The following SOX5 variants were observed in gnomAD, a reference collection of about 807,000 sequenced individuals.
SOX5 encodes the protein SRY-box transcription factor 5.
A neutral mutation model predicts 92.0 loss-of-function variants in SOX5; 9 were observed. The observed-to-expected ratio is 0.10, with a 90% CI of 0.06 to 0.17. The LOEUF (loss-of-function observed/expected upper bound fraction) is 0.17, where lower values mean the gene tolerates loss of function less well. Ranked by LOEUF, SOX5 falls within the 10% of genes least tolerant of loss-of-function variation. SOX5 has a pLI of 1.00. For missense variants in SOX5, 642 were observed against 944.5 expected, an observed-to-expected ratio of 0.68 and a Z score of 4.20; for synonymous variants, 344 against 336.3, an observed-to-expected ratio of 1.02 and a Z score of -0.25.
chr12:24,064,972 C>T (rs905093538), intron 4 of SOX5, among the ~76,000 whole-genome samples: 11 of 152,058 alleles, frequency 7.2e-5, no homozygotes, highest in Non-Finnish European at 1.3e-4. Context: ...ATTTTTAAAC[C>T]GAGGTTGAAA....
chr12:23,930,571 C>T (rs1451287836), intron 1 of SOX5, among the ~76,000 whole-genome samples: 2 of 151,664 alleles, frequency 1.3e-5, no homozygotes, highest in Non-Finnish European at 3.0e-5. Context: ...GCTGAATCCT[C>T]TGATAATATA....
intron 4 of SOX5, among the ~76,000 whole-genome samples, chr12:23,987,914 T>G (rs1046133543): frequency 2.0e-5 from 3 of 152,180 alleles, no homozygotes; most frequent in African/African-American, 7.2e-5. Context: ...ACATCATAGC[T>G]GCTAAGTGGA....
chr12:23,785,973 G>A (rs984230062), intron 3 of SOX5, among the ~76,000 whole-genome samples: 1 of 151,942 alleles, frequency 6.6e-6, no homozygotes, highest in Non-Finnish European at 1.5e-5. Flanking sequence ...TTACAAACAG[G>A]AAAGTAGAAC....
At chr12:23,689,461 G>A (rs994062298) in intron 6 of SOX5, among the ~76,000 whole-genome samples, 7 of 152,058 alleles carry the variant, frequency 4.6e-5, no homozygotes, top group Admixed American at 4.6e-4. Context: ...TATGTGCACT[G>A]CCATATACTA....
At chr12:23,582,278 TAG>T in intron 9 of SOX5, 1 of 985,146 alleles carries the variant, frequency 1.0e-6, no homozygotes, top group Non-Finnish European at 1.2e-6. Flanking sequence ...TACAGCTCCA[TAG>T]AGGTTTACTA....
At chr12:23,845,685 G>C (rs2096567453) in intron 3 of SOX5, among the ~76,000 whole-genome samples, 1 of 152,078 alleles carries the variant, frequency 6.6e-6, no homozygotes, top group African/African-American at 2.4e-5. Flanking sequence ...GCAGATATTT[G>C]ACAAGCAGGT....
chr12:23,891,758 A>G (rs2097131999), intron 2 of SOX5, among the ~76,000 whole-genome samples: 1 of 152,232 alleles, frequency 6.6e-6, no homozygotes, highest in South Asian at 2.1e-4. Flanking sequence ...GGTAGCCAGA[A>G]TAAAAAGAGA....
At chr12:24,455,232 T>C (rs1243655592) in intron 1 of SOX5, among the ~76,000 whole-genome samples, 1 of 152,180 alleles carries the variant, frequency 6.6e-6, no homozygotes, top group Admixed American at 6.5e-5. Context: ...ATCAGCTAAT[T>C]AAAAATGGGT....
intron 4 of SOX5, among the ~76,000 whole-genome samples, chr12:24,116,973 CA>C (rs3031105): frequency 0.16 from 19,668 of 126,716 alleles, 1,381 homozygotes; most frequent in African/African-American, 0.21. Flanking sequence ...TCTAAAAATG[CA>C]AAAAAAAAAA....
At chr12:23,937,369 G>A (rs1334951230) in intron 1 of SOX5, among the ~76,000 whole-genome samples, 1 of 150,748 alleles carries the variant, frequency 6.6e-6, no homozygotes, top group Non-Finnish European at 1.5e-5. Context: ...TAAATGAAAT[G>A]GGTCAAACAA....
intron 9 of SOX5, among the ~76,000 whole-genome samples, chr12:23,581,508 A>G (rs1179123422): frequency 6.6e-6 from 1 of 152,148 alleles, no homozygotes; most frequent in Non-Finnish European, 1.5e-5. Context: ...TTGAAAATCA[A>G]AATTTATTTG....
At chr12:23,819,522 C>A (rs1248056587) in intron 3 of SOX5, among the ~76,000 whole-genome samples, 2 of 151,798 alleles carry the variant, frequency 1.3e-5, no homozygotes, top group African/African-American at 2.4e-5. Context: ...TGGTTTGCTG[C>A]ACCCATCAGC....
chr12:23,647,978 G>A (rs1302082966), intron 7 of SOX5, among the ~76,000 whole-genome samples: 1 of 152,156 alleles, frequency 6.6e-6, no homozygotes, highest in Non-Finnish European at 1.5e-5. Flanking sequence ...TCTCGTGCAA[G>A]AGGCCTAGCT....
At chr12:24,537,611 A>G (rs1046301169) in intron 1 of SOX5, among the ~76,000 whole-genome samples, 1 of 152,192 alleles carries the variant, frequency 6.6e-6, no homozygotes, top group Non-Finnish European at 1.5e-5. Flanking sequence ...GTGATTAGCT[A>G]ATGACTTGGT....
chr12:24,341,722 G>A (rs1054431214), intron 2 of SOX5, among the ~76,000 whole-genome samples: 2 of 152,146 alleles, frequency 1.3e-5, no homozygotes, highest in African/African-American at 4.8e-5. Flanking sequence ...TACAGTAAAT[G>A]GGATGAGAGA....
chr12:23,813,505 C>A (rs1208054304), intron 3 of SOX5, among the ~76,000 whole-genome samples: 1 of 152,080 alleles, frequency 6.6e-6, no homozygotes, highest in East Asian at 1.9e-4. Context: ...GCATTTAGTA[C>A]TTTCGGAAAA....
intron 2 of SOX5, among the ~76,000 whole-genome samples, chr12:23,850,428 C>CAAAA (rs1377680790): frequency 1.4e-5 from 1 of 70,178 alleles, no homozygotes; most frequent in African/African-American, 4.6e-5. Flanking sequence ...ACTCTGTCTA[C>CAAAA]AAAAAAAAAA....
At chr12:23,660,194 A>C (rs1028427185) in intron 7 of SOX5, among the ~76,000 whole-genome samples, 2 of 152,156 alleles carry the variant, frequency 1.3e-5, no homozygotes, top group Non-Finnish European at 2.9e-5. Context: ...GTGATTTTAA[A>C]ATCCTTTTTT....
chr12:24,333,128 C>A (rs1050753560), intron 2 of SOX5, among the ~76,000 whole-genome samples: 2 of 151,776 alleles, frequency 1.3e-5, no homozygotes, highest in Non-Finnish European at 2.9e-5. Flanking sequence ...CAAATTTTTC[C>A]CCCAGTAAAG....
Sources: allele counts gnomAD v4.1 joint callset (sites outside exome capture counted in the v4.1 genomes callset), GRCh38; gene constraint gnomAD v4.1.1; transcripts MANE v1.5; gene names NCBI Gene and HGNC (gene_info 2026-07-23, HGNC 2026-07-21).